Variants in TRHDE observed in about 807,000 individuals in gnomAD.
TRHDE encodes the protein thyrotropin releasing hormone degrading enzyme.
TRHDE carries 72 observed loss-of-function variants against 125.7 expected under a neutral mutation model. That is an observed-to-expected ratio of 0.57 (90% CI 0.47 to 0.70). The LOEUF is 0.70. TRHDE is among the 30% of genes least tolerant of loss of function. The pLI is 0.00. For missense variants in TRHDE, 1,110 were observed against 1,327.1 expected (o/e 0.84, Z 2.54); for synonymous variants, 509 against 509.1 (o/e 1.00, Z 0.00).
At chr12:72,502,472 TTC>T (rs1878196849) in intron 6 of TRHDE, among the ~76,000 whole-genome samples, 1 of 152,174 alleles carries the variant, frequency 6.6e-6, no homozygotes, top group African/African-American at 2.4e-5. Flanking sequence ...CCAGAAAATT[TTC>T]TGTTATTCAT....
At chr12:72,188,705 A>G (rs1439822346) in intron 2 of TRHDE, among the ~76,000 whole-genome samples, 1 of 152,224 alleles carries the variant, frequency 6.6e-6, no homozygotes, top group African/African-American at 2.4e-5. Context: ...ATGCCAAGAA[A>G]TCTGATTTTT....
chr12:72,560,090 C>T (rs1870107842), intron 7 of TRHDE, among the ~76,000 whole-genome samples: 1 of 149,708 alleles, frequency 6.7e-6, no homozygotes, highest in Non-Finnish European at 1.5e-5. Context: ...TTAATTCAAG[C>T]TGTAAGTTTA....
Position 72,525,646 on chromosome 12 carries a change from A to T in TRHDE, c.1723-16645A>T, listed in dbSNP as rs1297516242. ...GTGTGTGTGTGTGTGAGAGAGAGAG[A>T]GAGAGAGAGAAAGTTGGTGATTTTT... On this transcript the variant is annotated intron_variant, in intron 6 of 18. Coordinates refer to ENST00000261180, the MANE Select transcript of TRHDE (RefSeq NM_013381.3). Among the ~76,000 whole-genome samples the T allele has an allele frequency of 1.1e-4, 15 of 138,650 alleles. No homozygotes were observed. In the South Asian group the frequency reaches 1.6e-3, roughly 15 times the overall value. 91.0% of individuals were successfully genotyped at this position (138,650 alleles called of 152,430 possible). A position where few individuals can be genotyped will look rare whatever the true frequency, so the allele number is the denominator to read the frequency against.
intron 5 of TRHDE, among the ~76,000 whole-genome samples, chr12:72,485,984 C>A (rs573551): frequency 0.37 from 56,684 of 151,698 alleles, 12,647 homozygotes; most frequent in African/African-American, 0.62. Context: ...TAGTTCCAAC[C>A]TCTCAGGGTC....
chr12:72,267,523 CATAGT>C, upstream of TRHDE, among the ~76,000 whole-genome samples: 1 of 151,932 alleles, frequency 6.6e-6, no homozygotes, highest in East Asian at 1.9e-4. Context: ...ACTAAAAACA[CATAGT>C]ATAATATTAA....
chr12:72,369,868 C>T (rs1446762985), intron 2 of TRHDE, among the ~76,000 whole-genome samples: 1 of 152,082 alleles, frequency 6.6e-6, no homozygotes, highest in Non-Finnish European at 1.5e-5. Context: ...TCAGAAAACG[C>T]TGCAAATAAG....
At chr12:72,350,637 A>G (rs1870539966) in intron 2 of TRHDE, among the ~76,000 whole-genome samples, 1 of 151,904 alleles carries the variant, frequency 6.6e-6, no homozygotes, top group African/African-American at 2.4e-5. Context: ...CTAGCTTTTG[A>G]TCTTCTAGGT....
chr12:72,533,260 G>A (rs933662129), intron 6 of TRHDE, among the ~76,000 whole-genome samples: 3 of 151,648 alleles, frequency 2.0e-5, no homozygotes, highest in Non-Finnish European at 2.9e-5. Context: ...CTGCAAGCTC[G>A]GTCTCCCAGG....
chr12:72,426,105 G>A (rs1045978206), intron 3 of TRHDE, among the ~76,000 whole-genome samples: 3 of 152,064 alleles, frequency 2.0e-5, no homozygotes, highest in African/African-American at 7.2e-5. Context: ...ACAATAGTAT[G>A]TATAACCTCT....
chr12:72,496,585 C>T (rs563108432), intron 5 of TRHDE, among the ~76,000 whole-genome samples: 10 of 152,222 alleles, frequency 6.6e-5, no homozygotes, highest in Admixed American at 2.0e-4. Context: ...TTATTATAAT[C>T]GAAGGTGAGA....
chr12:72,307,670 CAA>C (rs1868368406), intron 2 of TRHDE, among the ~76,000 whole-genome samples: 1 of 152,058 alleles, frequency 6.6e-6, no homozygotes, highest in Non-Finnish European at 1.5e-5. Context: ...TGTGAGAAAA[CAA>C]GAGAACTCGA....
intron 2 of TRHDE, among the ~76,000 whole-genome samples, chr12:72,131,817 T>A (rs1340215551): frequency 6.6e-6 from 1 of 152,158 alleles, no homozygotes; most frequent in Admixed American, 6.5e-5. Context: ...AAGCTTCTGC[T>A]CTTAACTGGC....
At chr12:72,654,043 T>C (rs968449833) in intron 17 of TRHDE, among the ~76,000 whole-genome samples, 4 of 152,190 alleles carry the variant, frequency 2.6e-5, no homozygotes, top group African/African-American at 9.6e-5. Context: ...ACTTTTTTAA[T>C]ATTTTCAGCT....
intron 14 of TRHDE, 190 bp downstream of exon 14, chr12:72,621,395 C>A: frequency 3.4e-6 from 2 of 583,618 alleles, no homozygotes; most frequent in Non-Finnish European, 6.0e-6. Flanking sequence ...AAAGACGTTT[C>A]CTTGCTGTGT....
intron 5 of TRHDE, among the ~76,000 whole-genome samples, chr12:72,498,847 T>C (rs1878025366): frequency 6.6e-6 from 1 of 152,184 alleles, no homozygotes; most frequent in South Asian, 2.1e-4. Context: ...CCTATTGATC[T>C]CTACTTTATG....
At chr12:72,090,505 T>G (rs2139281895) in intron 1 of TRHDE, among the ~76,000 whole-genome samples, 1 of 152,274 alleles carries the variant, frequency 6.6e-6, no homozygotes, top group East Asian at 1.9e-4. Context: ...TTAGTGTGTT[T>G]AAGAGAGAAC....
chr12:72,197,008 A>G (rs1418882687), intron 2 of TRHDE, among the ~76,000 whole-genome samples: 1 of 152,130 alleles, frequency 6.6e-6, no homozygotes, highest in Non-Finnish European at 1.5e-5. Context: ...TGTTTTAATC[A>G]GAGTTTTCCA....
intron 1 of TRHDE, among the ~76,000 whole-genome samples, chr12:72,275,061 C>CAG (rs1879431321): frequency 1.3e-5 from 2 of 152,212 alleles, no homozygotes; most frequent in Non-Finnish European, 2.9e-5. Context: ...AGTAATGAGG[C>CAG]AGAGCCTCTC....
chr12:72,480,039 C>T (rs1877092948), intron 5 of TRHDE, among the ~76,000 whole-genome samples: 1 of 150,022 alleles, frequency 6.7e-6, no homozygotes, highest in African/African-American at 2.4e-5. Flanking sequence ...ATATGTGCCA[C>T]ATTTTCTTAA....
Sources: gnomAD v4.1 joint callset for allele counts (sites outside exome capture counted in the v4.1 genomes callset) on GRCh38, gnomAD v4.1.1 for gene constraint, MANE v1.5 for transcripts, NCBI Gene and HGNC (gene_info 2026-07-23, HGNC 2026-07-21) for gene names.